Variants in GTF2E2 observed in about 807,000 individuals in gnomAD.
GTF2E2 encodes general transcription factor IIE subunit 2.
A neutral mutation model predicts 40.5 loss-of-function variants in GTF2E2; 21 were observed. The observed-to-expected ratio is 0.52, with a 90% confidence interval of 0.37 to 0.75. The LOEUF is 0.75. Ranked by LOEUF, GTF2E2 falls within the 30% of genes least tolerant of loss-of-function variation. The probability of loss-of-function intolerance (pLI) is 0.00; values close to 1 mark genes in which losing one functional copy is unlikely to be tolerated. For synonymous variants in GTF2E2, 117 were observed against 121.6 expected, an observed-to-expected ratio of 0.96 and a Z score of 0.25; for missense variants, 298 against 338.4, an observed-to-expected ratio of 0.88 and a Z score of 0.94.
chr8:30,604,157 C>T (rs1829257653), intron 6 of GTF2E2, among the ~76,000 whole-genome samples: 2 of 151,930 alleles, frequency 1.3e-5, no homozygotes, highest in South Asian at 2.1e-4. Flanking sequence ...ATGAACCCAG[C>T]ATAATAACCA....
chr8:30,599,952 C>T (rs971920931), intron 6 of GTF2E2, among the ~76,000 whole-genome samples: 2 of 152,112 alleles, frequency 1.3e-5, no homozygotes, highest in Admixed American at 6.5e-5. Flanking sequence ...CACTGCACCC[C>T]AGCCTGGTGA....
At chr8:30,602,291 TAC>T (rs1829203740) in intron 6 of GTF2E2, among the ~76,000 whole-genome samples, 1 of 152,156 alleles carries the variant, frequency 6.6e-6, no homozygotes, top group African/African-American at 2.4e-5. Flanking sequence ...GTGCTGGGAT[TAC>T]AGTCATGGGT....
chr8:30,617,874 C>T (rs920965322), intron 3 of GTF2E2, among the ~76,000 whole-genome samples: 3 of 152,072 alleles, frequency 2.0e-5, no homozygotes, highest in Non-Finnish European at 4.4e-5. Context: ...TACGGGGAAA[C>T]GCCGGGCAGC....
Position 30,612,493 on chromosome 8 carries a change from A to C in GTF2E2, c.367-12T>G, listed in dbSNP as rs1350376117. The C allele has an allele frequency of 6.6e-7, 1 of 1,504,852 alleles. No homozygotes were observed. The highest frequency in any genetic ancestry group is 1.1e-5 in the South Asian group (1 of 87,544). 93.2% of individuals were successfully genotyped at this position (1,504,852 alleles called of 1,614,324 possible). A position where few individuals can be genotyped will look rare whatever the true frequency, so the allele number is the denominator to read the frequency against. On this transcript the variant is annotated splice_polypyrimidine_tract_variant and intron_variant, in intron 4 of 7. Coordinates refer to ENST00000355904, the MANE Select transcript of GTF2E2 (RefSeq NM_002095.6). Reference sequence around the variant, plus strand: ...TTGTTGACTAAAGCCTGTAACAGTGATACAATTGGAATATATTAACAAATG... The same window carrying C: ...TTGTTGACTAAAGCCTGTAACAGTGCTACAATTGGAATATATTAACAAATG...
At chr8:30,621,405 G>T (rs1801097196) in intron 3 of GTF2E2, among the ~76,000 whole-genome samples, 1 of 152,060 alleles carries the variant, frequency 6.6e-6, no homozygotes, top group Non-Finnish European at 1.5e-5. Context: ...CTAAGGGGAA[G>T]CTACTGGATC....
chr8:30,597,916 T>G (rs771742090), intron 6 of GTF2E2, among the ~76,000 whole-genome samples: 1 of 152,246 alleles, frequency 6.6e-6, no homozygotes, highest in Non-Finnish European at 1.5e-5. Context: ...CAATAAAGCA[T>G]GCAAAATTAC....
intron 3 of GTF2E2, among the ~76,000 whole-genome samples, chr8:30,622,772 C>T (rs150517577): frequency 0.018 from 2,681 of 152,090 alleles, 107 homozygotes; most frequent in African/African-American, 0.062. Flanking sequence ...AAGAATTCAG[C>T]GATATTTCTC....
intron 6 of GTF2E2, among the ~76,000 whole-genome samples, chr8:30,602,779 A>G (rs1449406674): frequency 6.8e-6 from 1 of 147,978 alleles, no homozygotes; most frequent in Admixed American, 6.7e-5. Context: ...AAAGGTGTTC[A>G]CTGAATCTGG....
At chr8:30,598,688 G>C (rs1034619084) in intron 6 of GTF2E2, among the ~76,000 whole-genome samples, 10 of 152,162 alleles carry the variant, frequency 6.6e-5, no homozygotes, top group African/African-American at 2.2e-4. Context: ...TATTACAGCT[G>C]CATAAATACT....
intron 6 of GTF2E2, among the ~76,000 whole-genome samples, chr8:30,604,858 T>C (rs1182330371): frequency 6.6e-6 from 1 of 152,104 alleles, no homozygotes; most frequent in Non-Finnish European, 1.5e-5. Flanking sequence ...AAAGGCCATA[T>C]AAAATGACAA....
At position 30,578,930 on chromosome 8, in the gene GTF2E2, G is replaced by A. The variant is rs1585926553; in HGVS notation, c.867C>T (p.Ser289=). 2.0e-6 allele frequency: 3 copies of A among 1,520,634 alleles called. No homozygotes were observed. In the East Asian group the frequency reaches 6.7e-5, roughly 34 times the overall value. 94.2% of individuals were successfully genotyped at this position (1,520,634 alleles called of 1,614,324 possible). ...GVLKDYSDIT[S]SK is the part of the protein sequence containing the mutation. The stretch of plus-strand genomic sequence containing the variant: ...AGGGCAAAACTGTTCCCTATTTGCT[G>A]GAAGTAATGTCAGAGTAATCCTTCA... The change falls in exon 8 of 8, where the codon TCC becomes TCT. Residue 289 remains serine, a synonymous_variant. Coordinates refer to ENST00000355904, the MANE Select transcript of GTF2E2 (RefSeq NM_002095.6).
intron 6 of GTF2E2, among the ~76,000 whole-genome samples, chr8:30,601,762 C>A (rs1202586503): frequency 1.3e-5 from 2 of 152,192 alleles, no homozygotes; most frequent in Non-Finnish European, 2.9e-5. Flanking sequence ...GTATACTGTA[C>A]ACAGAATATA....
At chr8:30,645,803 G>T in intron 2 of GTF2E2, 1 of 537,912 alleles carries the variant, frequency 1.9e-6, no homozygotes. Context: ...TCATGAATGT[G>T]AATTTACTAA....
At chr8:30,607,238 A>G in intron 5 of GTF2E2, 88 bp from the exon 6 acceptor site, 1 of 550,948 alleles carries the variant, frequency 1.8e-6, no homozygotes, top group Admixed American at 3.2e-5. Flanking sequence ...AAGGAGTTTC[A>G]TTTCCTTAAC....
chr8:30,600,743 G>T (rs762515816), intron 6 of GTF2E2, among the ~76,000 whole-genome samples: 1 of 152,140 alleles, frequency 6.6e-6, no homozygotes, highest in Non-Finnish European at 1.5e-5. Context: ...AAAATAAGTT[G>T]CCTGCCTAGG....
At chr8:30,643,242 G>A (rs889828410) in intron 2 of GTF2E2, among the ~76,000 whole-genome samples, 5 of 152,166 alleles carry the variant, frequency 3.3e-5, no homozygotes, top group African/African-American at 1.2e-4. Context: ...ACCATTGGGA[G>A]ATATATATTG....
At chr8:30,630,953 G>T (rs563536935) in intron 3 of GTF2E2, among the ~76,000 whole-genome samples, 33 of 152,154 alleles carry the variant, frequency 2.2e-4, no homozygotes, top group African/African-American at 7.7e-4. Context: ...ATTGCTCTTA[G>T]GGGACAGTAT....
chr8:30,580,225 G>T, intron 7 of GTF2E2, 56 bp downstream of exon 7: 2 of 949,356 alleles, frequency 2.1e-6, no homozygotes, highest in Non-Finnish European at 3.4e-6. Context: ...AGAAAGCGGA[G>T]CAGGCTAACA....
chr8:30,655,059 G>C (rs1802411084), intron 1 of GTF2E2, among the ~76,000 whole-genome samples: 1 of 152,068 alleles, frequency 6.6e-6, no homozygotes, highest in Non-Finnish European at 1.5e-5. Flanking sequence ...AAATTAGCCA[G>C]TCATAGTGAC....
Sources: gnomAD v4.1 joint callset for allele counts (sites outside exome capture counted in the v4.1 genomes callset) on GRCh38, gnomAD v4.1.1 for gene constraint, MANE v1.5 for transcripts, NCBI Gene and HGNC (gene_info 2026-07-23, HGNC 2026-07-21) for gene names.